The following LRRC40 variants were observed in gnomAD, a reference collection of about 807,000 sequenced individuals.
LRRC40 encodes the protein leucine rich repeat containing 40.
In LRRC40, 76 loss-of-function variants were observed where a neutral mutation model predicts 72.8. That is an observed-to-expected ratio of 1.04 (90% CI 0.87 to 1.26). The LOEUF (loss-of-function observed/expected upper bound fraction) is 1.26. LRRC40 is among the 50% of genes most tolerant of loss of function. The probability of loss-of-function intolerance (pLI) is 0.00; values close to 1 mark genes in which losing one functional copy is unlikely to be tolerated. For missense variants in LRRC40, 684 were observed against 698.9 expected (o/e 0.98, Z 0.24); for synonymous variants, 243 against 254.2 (o/e 0.96, Z 0.42).
chr1:70,171,539 T>C (rs1301938348), intron 9 of LRRC40, among the ~76,000 whole-genome samples: 1 of 152,140 alleles, frequency 6.6e-6, no homozygotes, highest in Non-Finnish European at 1.5e-5. Context: ...TGAATAGCCA[T>C]TTCTCTAAAG....
intron 9 of LRRC40, among the ~76,000 whole-genome samples, chr1:70,162,240 GC>G (rs1667780244): frequency 6.6e-6 from 1 of 152,178 alleles, no homozygotes; most frequent in Non-Finnish European, 1.5e-5. Flanking sequence ...TGTTAGCCAG[GC>G]CTGTAGAGTA....
At chr1:70,201,370 G>C (rs946648187) in intron 1 of LRRC40, among the ~76,000 whole-genome samples, 2 of 152,014 alleles carry the variant, frequency 1.3e-5, no homozygotes, top group African/African-American at 4.8e-5. Flanking sequence ...AATTACTTTT[G>C]ACTGGGTCAA....
intron 9 of LRRC40, among the ~76,000 whole-genome samples, chr1:70,165,117 A>G (rs1667853830): frequency 6.6e-6 from 1 of 152,352 alleles, no homozygotes; most frequent in Non-Finnish European, 1.5e-5. Flanking sequence ...TGTAAAAATT[A>G]TAATAATGAT....
In LRRC40 at chr1:70,178,957, T is replaced by G. The variant is rs1363385459; in HGVS notation, c.698A>C (p.Glu233Ala). ...GCCAGCCAATTCAGGAGGTATAGTT[T>G]CCAAGAGATTTGAATTACAATCCAA... ...KHLDCNSNLLETIPPELAGME... is the reference protein window; with the variant it reads ...KHLDCNSNLLATIPPELAGME... Residue 233 changes from glutamate (E) to alanine (A), a missense_variant, in exon 6 of 15, where the codon GAA becomes GCA. Glu to Ala is a moderately radical substitution (Grantham distance 107). Coordinates refer to ENST00000370952, the MANE Select transcript of LRRC40 (RefSeq NM_017768.5). The G allele has an allele frequency of 6.2e-7, 1 of 1,600,586 alleles. No individual in the cohort carries two copies. The highest frequency in any genetic ancestry group is 1.7e-5 in the Admixed American group (1 of 59,416).
At chr1:70,162,340 C>A (rs767624978) in intron 9 of LRRC40, among the ~76,000 whole-genome samples, 8 of 151,954 alleles carry the variant, frequency 5.3e-5, no homozygotes, top group Non-Finnish European at 1.2e-4. Flanking sequence ...CCTGAGGAGA[C>A]ATCTGAGAGG....
At chr1:70,173,067 T>C (rs1668031365) in intron 9 of LRRC40, among the ~76,000 whole-genome samples, 1 of 152,072 alleles carries the variant, frequency 6.6e-6, no homozygotes, top group Admixed American at 6.6e-5. Context: ...TTAAATTTTG[T>C]CAGAGTTTAG....
intron 4 of LRRC40, among the ~76,000 whole-genome samples, chr1:70,181,514 G>A (rs1668245866): frequency 1.3e-5 from 2 of 151,952 alleles, no homozygotes; most frequent in Non-Finnish European, 2.9e-5. Context: ...GCCATATTAT[G>A]CATCATATTT....
chr1:70,168,899 T>C (rs547754125), intron 9 of LRRC40, among the ~76,000 whole-genome samples: 3 of 152,296 alleles, frequency 2.0e-5, no homozygotes, highest in East Asian at 1.9e-4. Flanking sequence ...CCAAAACGTA[T>C]GAGCTGTAGA....
intron 5 of LRRC40, among the ~76,000 whole-genome samples, chr1:70,180,689 C>G (rs1046325342): frequency 6.6e-6 from 1 of 152,024 alleles, no homozygotes; most frequent in African/African-American, 2.4e-5. Context: ...CAAAACAAGA[C>G]TTATTTCTCG....
chr1:70,157,928 G>GC (rs1667674803), intron 10 of LRRC40, among the ~76,000 whole-genome samples: 1 of 151,268 alleles, frequency 6.6e-6, no homozygotes, highest in Non-Finnish European at 1.5e-5. Context: ...ACACAGAGAG[G>GC]CCCCATCTCT....
chr1:70,156,725 T>C (rs1667646263), intron 10 of LRRC40, among the ~76,000 whole-genome samples: 1 of 152,058 alleles, frequency 6.6e-6, no homozygotes. Flanking sequence ...AGCATAGATA[T>C]GCTGACAAAG....
At chr1:70,146,115 C>T (rs1667284067) in intron 14 of LRRC40, among the ~76,000 whole-genome samples, 1 of 152,094 alleles carries the variant, frequency 6.6e-6, no homozygotes, top group Non-Finnish European at 1.5e-5. Context: ...ACCTCCACCT[C>T]CCAGGTTCAA....
At chr1:70,184,058 G>C (rs1354335128) in intron 4 of LRRC40, among the ~76,000 whole-genome samples, 1 of 152,038 alleles carries the variant, frequency 6.6e-6, no homozygotes, top group Admixed American at 6.6e-5. Flanking sequence ...AGATCAGTCT[G>C]GCCAAATGGT....
chr1:70,180,733 G>C (rs1411202992), intron 5 of LRRC40, among the ~76,000 whole-genome samples: 1 of 152,114 alleles, frequency 6.6e-6, no homozygotes, highest in Non-Finnish European at 1.5e-5. Context: ...GGAGGCTACA[G>C]CTATAATACA....
At chr1:70,182,276 A>G (rs1668263224) in intron 4 of LRRC40, among the ~76,000 whole-genome samples, 1 of 152,008 alleles carries the variant, frequency 6.6e-6, no homozygotes, top group East Asian at 1.9e-4. Flanking sequence ...TACTAACACT[A>G]AATGCAATGT....
At chr1:70,168,904 T>G (rs1571458028) in intron 9 of LRRC40, among the ~76,000 whole-genome samples, 1 of 152,142 alleles carries the variant, frequency 6.6e-6, no homozygotes, top group East Asian at 1.9e-4. Flanking sequence ...ACGTATGAGC[T>G]GTAGATAAAG....
At chr1:70,189,298 GAAAAAAAAAAAA>G (rs745450367) in intron 1 of LRRC40, 25 bp from the exon 2 acceptor site, 2 of 761,910 alleles carry the variant, frequency 2.6e-6, no homozygotes, top group Non-Finnish European at 3.4e-6. Flanking sequence ...ACCACACCAG[GAAAAAAAAAAAA>G]AAAAAAAAAG....
intron 1 of LRRC40, among the ~76,000 whole-genome samples, chr1:70,192,452 T>A (rs762110699): frequency 1.3e-5 from 2 of 152,080 alleles, no homozygotes; most frequent in Non-Finnish European, 2.9e-5. Flanking sequence ...GACCCAGCAA[T>A]CTTATCATTG....
In LRRC40 at chr1:70,175,791, A is replaced by G. The variant is rs375466370; in HGVS notation, c.977+19T>C. 6.8e-7 allele frequency: 1 copy of G among 1,477,158 alleles called. No homozygotes were observed. Among genetic ancestry groups the G allele is most frequent in the Non-Finnish European group, 9.1e-7 (1 of 1,096,382 alleles). 91.5% of individuals were successfully genotyped at this position (1,477,158 alleles called of 1,614,324 possible). On this transcript the variant is annotated intron_variant, in intron 7 of 14. Coordinates refer to ENST00000370952, the MANE Select transcript of LRRC40 (RefSeq NM_017768.5). ...CCAAATACAAACACAATTTCTATTC[A>G]TTTGATATTTAAACTTACCTACTAA...
Sources: allele counts gnomAD v4.1 joint callset (sites outside exome capture counted in the v4.1 genomes callset), GRCh38; gene constraint gnomAD v4.1.1; transcripts MANE v1.5; gene names NCBI Gene and HGNC (gene_info 2026-07-23, HGNC 2026-07-21).